The following TTC13 variants were observed in gnomAD, a reference collection of about 807,000 sequenced individuals.
The protein encoded by TTC13 is tetratricopeptide repeat protein 13.
In TTC13, 62 loss-of-function variants were observed where a neutral mutation model predicts 120.0. That is an observed-to-expected ratio of 0.52 (90% confidence interval 0.42 to 0.64). The LOEUF is 0.64. TTC13 is among the 30% of genes least tolerant of loss of function. TTC13 has a pLI of 0.00. For missense variants in TTC13, 824 were observed against 1,050.2 expected (o/e 0.78, Z 2.98); for synonymous variants, 384 against 393.5 (o/e 0.98, Z 0.28).
At position 230,924,919 on chromosome 1, in the gene TTC13, T is replaced by C; in HGVS notation, c.1643A>G (p.Asn548Ser). 6.2e-7 allele frequency: 1 copy of C among 1,614,208 alleles called. No homozygotes were observed. Among genetic ancestry groups the C allele is most frequent in the Non-Finnish European group, 8.5e-7 (1 of 1,180,038 alleles). ...VMQAVQRTWT[N>S]SKVRMNGKTR... is the part of the protein sequence containing the mutation. ...CTTCCCATTCATTCGAACTTTCGAGTTGGTCCATGTACGCTGCACGGCTTG... is the reference window on the plus strand; with the variant it reads ...CTTCCCATTCATTCGAACTTTCGAGCTGGTCCATGTACGCTGCACGGCTTG... The change falls in exon 14 of 23, where the codon AAC becomes AGC. Residue 548 changes from asparagine (N) to serine (S), a missense_variant. Coordinates refer to ENST00000366661, the MANE Select transcript of TTC13 (RefSeq NM_024525.5).
In TTC13 at chr1:230,906,683, C is replaced by T. The variant is rs140077305; in HGVS notation, c.*222G>A. ...CCAACAGGCTGCCGGCTAATACATACGCTTTCCCTCCAAGTCAAGTAGCTT... is the reference window on the plus strand; with the variant it reads ...CCAACAGGCTGCCGGCTAATACATATGCTTTCCCTCCAAGTCAAGTAGCTT... On this transcript the variant is annotated 3_prime_UTR_variant, in exon 23 of 23. Transcript: ENST00000366661. 4.1e-4 allele frequency: 114 copies of T among 279,010 alleles called. No homozygotes were observed. In the East Asian group the frequency reaches 5.4e-3, roughly 13 times the overall value. 17.3% of individuals were successfully genotyped at this position (279,010 alleles called of 1,614,324 possible).
intron 12 of TTC13, among the ~76,000 whole-genome samples, chr1:230,926,445 T>G (rs1201257262): frequency 6.6e-6 from 1 of 152,182 alleles, no homozygotes; most frequent in African/African-American, 2.4e-5. Flanking sequence ...ACAGACAACT[T>G]ATGCCTGGCA....
At chr1:230,920,992 G>A (rs1160265446) in intron 16 of TTC13, among the ~76,000 whole-genome samples, 2 of 152,112 alleles carry the variant, frequency 1.3e-5, no homozygotes, top group Non-Finnish European at 1.5e-5. Flanking sequence ...TCAAATGAAA[G>A]TATTCTGCTA....
chr1:230,960,718 GT>G (rs1252081926), intron 2 of TTC13, among the ~76,000 whole-genome samples: 2 of 152,170 alleles, frequency 1.3e-5, no homozygotes, highest in African/African-American at 4.8e-5. Flanking sequence ...ATAGAGTTAA[GT>G]GTGAACAAAA....
chr1:230,961,691 G>A (rs1343087270), intron 1 of TTC13, among the ~76,000 whole-genome samples: 1 of 152,206 alleles, frequency 6.6e-6, no homozygotes, highest in Admixed American at 6.5e-5. Context: ...AATGAGCAAA[G>A]CCAGTGAGCT....
In TTC13 at chr1:230,956,058, T is replaced by C. The variant is rs144318017; in HGVS notation, c.443-1655A>G. On this transcript the variant is annotated intron_variant, in intron 3 of 22. Transcript: ENST00000366661. ...CAGGCACAGTAATATCCTTTACCAG[T>C]ATTAACTCATTTGCTCCTCCACTGC... Among the ~76,000 whole-genome samples the C allele has an allele frequency of 1.7e-3, 265 of 152,334 alleles. 1 individual carries two copies. The highest frequency in any genetic ancestry group is 3.4e-3 in the Admixed American group (52 of 15,296).
rs1464700376 is a variant in TTC13 at position 230,909,010 on chromosome 1, A to G, written c.2320T>C (p.Tyr774His). Residue 774 changes from tyrosine to histidine, a missense_variant, in exon 21 of 23, where the codon TAC (tyrosine) becomes CAC (histidine). This residue lies in a region of TTC13 where 226 missense variants were observed against 259.1 expected (regional missense o/e 0.87). Transcript: ENST00000366661. The stretch of plus-strand genomic sequence containing the variant: ...ATCAGTGCTCCCACGATGACCGAGT[A>G]AGCAATTACACTATTTAAATAAAGA... ...PLSRGSSVIA[Y>H]SVIVGALMAS... The G allele has an allele frequency of 6.2e-7, 1 of 1,614,138 alleles. No individual in the cohort carries two copies. The highest frequency in any genetic ancestry group is 8.5e-7 in the Non-Finnish European group (1 of 1,179,960).
intron 9 of TTC13, among the ~76,000 whole-genome samples, chr1:230,933,220 G>T (rs1407360924): frequency 6.6e-6 from 1 of 151,716 alleles, no homozygotes; most frequent in Non-Finnish European, 1.5e-5. Context: ...TGATCTGCCT[G>T]CCTTAGCCTC....
rs76376323 is a variant in TTC13, at chr1:230,978,719, C to G, written c.112G>C (p.Gly38Arg). 0.23 allele frequency: 343,241 copies of G among 1,494,510 alleles called. 41,154 individuals are homozygous for G. Among genetic ancestry groups the G allele is most frequent in the Middle Eastern group, 0.39 (1,658 of 4,256 alleles). The allele number at this position is 1,494,510 out of a possible 1,614,324, so 92.6% of individuals were successfully genotyped here. The stretch of plus-strand genomic sequence containing the variant: ...GTGGCCAGGGCGCCTGGCCGCAGCC[C>G]GGCGGACAGGACCCCCAGCAGCAGC... ...LLLLLGVLSAGLRPGALATEH... is the reference protein window; with the variant it reads ...LLLLLGVLSARLRPGALATEH... Residue 38 changes from glycine to arginine, a missense_variant, in exon 1 of 23, where the codon GGG (glycine) becomes CGG (arginine). Gly to Arg is a moderately radical substitution (Grantham distance 125). Around this residue, in one of 4 missense-constraint regions of TTC13, gnomAD observed 160 missense variants for 137.2 expected, o/e 1.17. Transcript: ENST00000366661. The surrounding 1 kb of genome is among the most constrained non-coding windows in gnomAD (Gnocchi z 5.6).
chr1:230,941,292 G>A (rs1295531621), intron 6 of TTC13, among the ~76,000 whole-genome samples: 1 of 151,966 alleles, frequency 6.6e-6, no homozygotes, highest in Admixed American at 6.6e-5. Flanking sequence ...CTTAAATTAG[G>A]GTTTATTTTG....
intron 12 of TTC13, among the ~76,000 whole-genome samples, chr1:230,926,001 C>T (rs80288146): frequency 0.013 from 1,958 of 152,284 alleles, 30 homozygotes; most frequent in Non-Finnish European, 0.023. Context: ...CCTTTGTCCA[C>T]TCCTCAACCC....
Position 230,944,168 on chromosome 1 carries a change from C to G in TTC13, c.580-270G>C, listed in dbSNP as rs866888700. 1.7e-4 allele frequency among the ~76,000 whole-genome samples: 26 copies of G among 152,140 alleles called. No homozygotes were observed. The highest frequency in any genetic ancestry group is 1.2e-4 in the Non-Finnish European group (8 of 68,036). On this transcript the variant is annotated intron_variant, in intron 5 of 22. Coordinates refer to ENST00000366661, the MANE Select transcript of TTC13 (RefSeq NM_024525.5). This position sits in a 1 kb window ranked among gnomAD's most constrained non-coding sequence, Gnocchi z 4.0. ...CACAGATGGCAGGATATTATCTAAA[C>G]TTAATCTACTTAAACATGGAATCAA...
chr1:230,934,379 G>A (rs898708877), intron 8 of TTC13, among the ~76,000 whole-genome samples: 4 of 152,154 alleles, frequency 2.6e-5, no homozygotes, highest in South Asian at 2.1e-4. Context: ...CATGATCTAC[G>A]AGGAAAAAGA....
At chr1:230,954,496 G>T in intron 3 of TTC13, 93 bp from the exon 4 acceptor site, 1 of 971,334 alleles carries the variant, frequency 1.0e-6, no homozygotes, top group Non-Finnish European at 1.5e-6. Flanking sequence ...TCCAAAGGCA[G>T]CTCCAAGCAC....
chr1:230,926,366 G>A (rs993805004), intron 12 of TTC13, among the ~76,000 whole-genome samples: 2 of 152,064 alleles, frequency 1.3e-5, no homozygotes, highest in African/African-American at 2.4e-5. Context: ...TTCTCCCAGC[G>A]ATTAGTTGCG....
intron 4 of TTC13, 45 bp from the exon 5 acceptor site, chr1:230,945,499 C>G (rs1674904133): frequency 6.3e-7 from 1 of 1,582,366 alleles, no homozygotes; most frequent in Non-Finnish European, 8.7e-7. Context: ...ATAAACAAAA[C>G]AAAACAAAAA....
At position 230,928,951 on chromosome 1, in the gene TTC13, C is replaced by T. The variant is rs1558182867; in HGVS notation, c.1443G>A (p.Leu481=). Residue 481 remains leucine, a synonymous_variant, in exon 12 of 23, where the codon TTG becomes TTA. Coordinates refer to ENST00000366661, the MANE Select transcript of TTC13 (RefSeq NM_024525.5). ...LIEDYEEQPG[L]QPHIKDVLHQ... ...AAAGCACTTACTTTATGTGGGGTTGCAACCCTGGCTGCTCTTCGTAGTCTT... is the reference window on the plus strand; with the variant it reads ...AAAGCACTTACTTTATGTGGGGTTGTAACCCTGGCTGCTCTTCGTAGTCTT... The T allele has an allele frequency of 1.9e-6, 3 of 1,613,874 alleles. No homozygotes were observed. In the African/African-American group the frequency reaches 4.0e-5, roughly 22 times the overall value.
chr1:230,955,658 G>A (rs1351249091), intron 3 of TTC13, among the ~76,000 whole-genome samples: 3 of 127,988 alleles, frequency 2.3e-5, no homozygotes, highest in African/African-American at 9.7e-5. Context: ...GCGACAGAGA[G>A]AGACTCCATC....
At chr1:230,920,653 T>C (rs111565793) in intron 16 of TTC13, 59 bp from the exon 17 acceptor site, 1 of 1,024,246 alleles carries the variant, frequency 9.8e-7, no homozygotes, top group East Asian at 2.7e-5. Flanking sequence ...TAATAATTAA[T>C]CATGCAATTA....
Sources: allele counts gnomAD v4.1 joint callset (sites outside exome capture counted in the v4.1 genomes callset), GRCh38; gene constraint gnomAD v4.1.1; regional missense constraint gnomAD v4.1.1; non-coding constraint Gnocchi (gnomAD v3.1); transcripts MANE v1.5; gene names NCBI Gene and HGNC (gene_info 2026-07-23, HGNC 2026-07-21).